Variants in DNAH11 observed in about 807,000 individuals in gnomAD.
DNAH11 encodes the protein axonemal beta dynein heavy chain 11.
Under a neutral mutation model 526.0 loss-of-function variants are expected in DNAH11, and 442 were observed. The observed-to-expected ratio is 0.84, with a 90% CI of 0.78 to 0.91. The LOEUF (loss-of-function observed/expected upper bound fraction) is 0.91, where lower values mean the gene tolerates loss of function less well. DNAH11 is among the 40% of genes least tolerant of loss of function. DNAH11 has a pLI of 0.00. For synonymous variants in DNAH11, 2,461 were observed against 1,935.9 expected (o/e 1.27, Z -7.12); for missense variants, 6,989 against 5,448.7 (o/e 1.28, Z -8.90).
intron 14 of DNAH11, among the ~76,000 whole-genome samples, chr7:21,595,297 C>A (rs577209265): frequency 1.3e-5 from 2 of 152,320 alleles, no homozygotes; most frequent in South Asian, 2.1e-4. Context: ...TCCTCCTAAA[C>A]CCCTCCTCAT....
At chr7:21,778,558 A>C (rs891149298) in intron 56 of DNAH11, among the ~76,000 whole-genome samples, 10 of 152,128 alleles carry the variant, frequency 6.6e-5, no homozygotes, top group Non-Finnish European at 8.8e-5. Flanking sequence ...CTTCTGTTGG[A>C]CAGTGAGAGG....
intron 61 of DNAH11, among the ~76,000 whole-genome samples, chr7:21,789,664 C>T (rs1788348508): frequency 6.6e-6 from 1 of 152,162 alleles, no homozygotes; most frequent in Non-Finnish European, 1.5e-5. Context: ...ATCTTGGCTC[C>T]ACTGTTTACT....
chr7:21,820,236 T>G (rs528720594), intron 65 of DNAH11, among the ~76,000 whole-genome samples: 1 of 152,268 alleles, frequency 6.6e-6, no homozygotes, highest in East Asian at 1.9e-4. Flanking sequence ...GGCTGCAGAT[T>G]TAGTGTGATA....
In DNAH11 at chr7:21,622,349, G is replaced by A. The variant is rs185859170; in HGVS notation, c.4500+2271G>A. ...ACAAAGAAATGGAAGAACGTTCCAT[G>A]CTCATGGGTAAGAAGAATCAATATT... On this transcript the variant is annotated intron_variant, in intron 25 of 81. Coordinates refer to ENST00000409508, the MANE Select transcript of DNAH11 (RefSeq NM_001277115.2). Among the ~76,000 whole-genome samples, 101 of 152,310 alleles carry A rather than the reference G, an allele frequency of 6.6e-4. 1 individual carries two copies. The highest frequency in any genetic ancestry group is 3.2e-4 in the Non-Finnish European group (22 of 68,030).
chr7:21,639,881 C>T (rs973151432), intron 28 of DNAH11, among the ~76,000 whole-genome samples: 7 of 150,496 alleles, frequency 4.7e-5, no homozygotes, highest in African/African-American at 1.7e-4. Context: ...TTTTTTTTCT[C>T]AGAAAAATTT....
intron 39 of DNAH11, 41 bp downstream of exon 39, chr7:21,705,578 C>A (rs1295891041): frequency 6.3e-7 from 1 of 1,582,390 alleles, no homozygotes; most frequent in Non-Finnish European, 8.7e-7. Context: ...ATGGAAAGAA[C>A]ATTTGTTGTC....
chr7:21,733,191 A>G (rs1250990771), intron 45 of DNAH11, among the ~76,000 whole-genome samples: 1 of 152,252 alleles, frequency 6.6e-6, no homozygotes, highest in Non-Finnish European at 1.5e-5. Context: ...ATTCAAGACC[A>G]GCCTAGCCAA....
intron 65 of DNAH11, among the ~76,000 whole-genome samples, chr7:21,832,077 G>A (rs988569842): frequency 1.3e-5 from 2 of 149,754 alleles, no homozygotes; most frequent in African/African-American, 5.1e-5. Flanking sequence ...GTGACAGAGT[G>A]AGACTCCATC....
rs114722740 is a variant in DNAH11 at position 21,797,678 on chromosome 7, A to C, written c.10027-3459A>C. Among the ~76,000 whole-genome samples, 568 of 152,354 alleles carry C rather than the reference A, an allele frequency of 3.7e-3. 2 individuals are homozygous for C. The highest frequency in any genetic ancestry group is 0.013 in the African/African-American group (533 of 41,586). ...TTAGACATTCCTATGAAAGTAGTAG[A>C]TTGTCACCTTTAAGCATGCTTGGAA... On this transcript the variant is annotated intron_variant, in intron 61 of 81. Transcript: ENST00000409508.
intron 78 of DNAH11, 35 bp downstream of exon 78, chr7:21,894,840 A>G: frequency 6.2e-7 from 1 of 1,612,092 alleles, no homozygotes. Context: ...AGACTTCAGC[A>G]CATTGGAAGA....
intron 2 of DNAH11, among the ~76,000 whole-genome samples, chr7:21,547,680 T>G (rs1421820822): frequency 1.3e-5 from 2 of 152,220 alleles, no homozygotes; most frequent in African/African-American, 2.4e-5. Context: ...ATCATGACTT[T>G]CTACATGCAT....
At chr7:21,597,978 A>G (rs774931851) in intron 14 of DNAH11, among the ~76,000 whole-genome samples, 2 of 152,198 alleles carry the variant, frequency 1.3e-5, no homozygotes, top group Non-Finnish European at 2.9e-5. Flanking sequence ...CTGGTAGGCA[A>G]CACAGCATTC....
intron 74 of DNAH11, among the ~76,000 whole-genome samples, chr7:21,876,304 C>T (rs1021010905): frequency 3.9e-5 from 6 of 152,140 alleles, no homozygotes; most frequent in Admixed American, 3.3e-4. Flanking sequence ...CTCATCAAAC[C>T]TATCTTAGCC....
intron 2 of DNAH11, among the ~76,000 whole-genome samples, chr7:21,545,512 G>A (rs1244732686): frequency 6.6e-6 from 1 of 152,096 alleles, no homozygotes; most frequent in Non-Finnish European, 1.5e-5. Flanking sequence ...TTCACATTCA[G>A]AGTAGAGACA....
At chr7:21,562,989 A>G (rs1473840553) in intron 5 of DNAH11, among the ~76,000 whole-genome samples, 1 of 152,038 alleles carries the variant, frequency 6.6e-6, no homozygotes, top group Non-Finnish European at 1.5e-5. Context: ...AATTTACTTG[A>G]CTTTGTTCCC....
In DNAH11 at chr7:21,697,310, G is replaced by A. The variant is rs557165503; in HGVS notation, c.6042-765G>A. Among the ~76,000 whole-genome samples the A allele has an allele frequency of 9.9e-5, 15 of 152,176 alleles. No individual in the cohort carries two copies. In the South Asian group the frequency reaches 1.2e-3, roughly 13 times the overall value. Reference sequence around the variant, plus strand: ...CTCTCCAAAAGAAAGGGGATTTGAAGCTATGTTTTTCTAAATGTCCCCTTT... The same window carrying A: ...CTCTCCAAAAGAAAGGGGATTTGAAACTATGTTTTTCTAAATGTCCCCTTT... On this transcript the variant is annotated intron_variant, in intron 35 of 81. Coordinates refer to ENST00000409508, the MANE Select transcript of DNAH11 (RefSeq NM_001277115.2).
Position 21,892,452 on chromosome 7 carries a change from G to C in DNAH11, c.12535G>C (p.Gly4179Arg). The change falls in exon 77 of 82, where the codon GGT (glycine) becomes CGT (arginine). Residue 4179 changes from glycine to arginine, a missense_variant. Transcript: ENST00000409508. Reference sequence around the variant, plus strand: ...TGAAGATGAACTGATGCTGGCACCAGGTTTTGCTGCCCCACCCTACCTAGA... The same window carrying C: ...TGAAGATGAACTGATGCTGGCACCACGTTTTGCTGCCCCACCCTACCTAGA... ...LTEDELMLAP[G>R]FAAPPYLDYA... 1 of 1,612,144 alleles carries C rather than the reference G, an allele frequency of 6.2e-7. No homozygotes were observed. The highest frequency in any genetic ancestry group is 8.5e-7 in the Non-Finnish European group (1 of 1,178,560).
At position 21,894,761 on chromosome 7, in the gene DNAH11, C is replaced by T. The variant is rs1029162490; in HGVS notation, c.12889C>T (p.Arg4297Trp). ...QECERMNILI[R>W]EIRISLEQLD... is the part of the protein sequence containing the mutation. ...ATGTGAGAGGATGAATATTCTCATT[C>T]GGGAAATACGTATATCACTTGAACA... The change falls in exon 78 of 82, where the codon CGG (arginine) becomes TGG (tryptophan). Residue 4297 changes from arginine (R) to tryptophan (W), a missense_variant. Arg to Trp is a moderately radical substitution (Grantham distance 101, BLOSUM62 -3). Transcript: ENST00000409508. The T allele has an allele frequency of 1.9e-6, 3 of 1,612,234 alleles. No individual in the cohort carries two copies. Among genetic ancestry groups the T allele is most frequent in the East Asian group, 2.2e-5 (1 of 44,880 alleles).
intron 22 of DNAH11, among the ~76,000 whole-genome samples, chr7:21,616,675 G>A (rs1026463618): frequency 6.6e-6 from 1 of 152,090 alleles, no homozygotes; most frequent in Non-Finnish European, 1.5e-5. Flanking sequence ...GGAATTTGGG[G>A]CAACTAATAG....
Sources: allele counts gnomAD v4.1 joint callset (sites outside exome capture counted in the v4.1 genomes callset), GRCh38; gene constraint gnomAD v4.1.1; transcripts MANE v1.5; gene names NCBI Gene and HGNC (gene_info 2026-07-23, HGNC 2026-07-21).